The following MTMR3 variants were observed in gnomAD, a reference collection of about 807,000 sequenced individuals.
The protein encoded by MTMR3 is phosphatidylinositol-3,5-bisphosphate 3-phosphatase MTMR3.
MTMR3 carries 32 observed loss-of-function variants against 132.4 expected under a neutral mutation model. The ratio of observed to expected loss-of-function variants is 0.24; its 90% confidence interval spans 0.18 to 0.32. MTMR3 has a LOEUF of 0.32. MTMR3 is among the 10% of genes least tolerant of loss of function. The pLI, the probability that MTMR3 is intolerant of heterozygous loss-of-function variation, is 1.00. For missense variants in MTMR3, 1,216 were observed against 1,489.6 expected (o/e 0.82, Z 3.02); for synonymous variants, 556 against 550.3 (o/e 1.01, Z -0.14).
chr22:29,888,010 C>T (rs61352751), intron 1 of MTMR3, among the ~76,000 whole-genome samples: 24,375 of 151,482 alleles, frequency 0.16, 2,058 homozygotes, highest in South Asian at 0.24. Flanking sequence ...GTAGTTAATA[C>T]TGTTTTGTTT....
intron 5 of MTMR3, chr22:29,985,478 C>T (rs940995633): frequency 1.3e-5 from 2 of 152,018 alleles, no homozygotes; most frequent in Non-Finnish European, 2.9e-5. Flanking sequence ...CCAGCCTGGG[C>T]AACAGAACGA....
At chr22:29,967,917 C>CTGTGTG (rs57853762) in intron 2 of MTMR3, among the ~76,000 whole-genome samples, 1,736 of 148,432 alleles carry the variant, frequency 0.012, 23 homozygotes, top group African/African-American at 0.029. Context: ...ATTATATATA[C>CTGTGTG]TGTGTGTGTG....
intron 1 of MTMR3, among the ~76,000 whole-genome samples, chr22:29,916,511 G>A (rs932834797): frequency 4.6e-5 from 7 of 151,994 alleles, no homozygotes; most frequent in African/African-American, 1.7e-4. Context: ...ACAAAGCTTT[G>A]ACAATCATAA....
intron 17 of MTMR3, 140 bp from the exon 18 acceptor site, chr22:30,021,889 T>C (rs1229160373): frequency 4.6e-6 from 3 of 655,088 alleles, no homozygotes; most frequent in Non-Finnish European, 8.3e-6. Flanking sequence ...CAGTTCTTGA[T>C]GGCTGATGCA....
chr22:29,951,232 T>G (rs2066073190), intron 1 of MTMR3, among the ~76,000 whole-genome samples: 1 of 152,218 alleles, frequency 6.6e-6, no homozygotes, highest in Admixed American at 6.5e-5. Flanking sequence ...TTATATTCAT[T>G]CTTAAAAATT....
chr22:30,003,058 C>T, intron 9 of MTMR3, 65 bp downstream of exon 9: 4 of 1,278,410 alleles, frequency 3.1e-6, no homozygotes, highest in Non-Finnish European at 4.6e-6. Context: ...TGGTCTGCTG[C>T]CTCTGCTGCT....
intron 18 of MTMR3, chr22:30,022,386 A>C (rs1001981135): frequency 4.9e-6 from 3 of 610,376 alleles, no homozygotes; most frequent in Admixed American, 2.7e-5. Flanking sequence ...TCTCACAGTG[A>C]CCCAGGGTGC....
At position 29,954,479 on chromosome 22, in the gene MTMR3, C is replaced by G. The variant is rs144431345; in HGVS notation, c.-137-2557C>G. On this transcript the variant is annotated intron_variant, in intron 1 of 19. Coordinates refer to ENST00000401950, the MANE Select transcript of MTMR3 (RefSeq NM_021090.4). ...TTTCACAATGACACACTGTTTCTAA[C>G]CAAGCAGATGTTTGACTGTGGTTAC... Among the ~76,000 whole-genome samples, 675 of 152,156 alleles carry G rather than the reference C, an allele frequency of 4.4e-3. 6 individuals are homozygous for G. The highest frequency in any genetic ancestry group is 0.015 in the African/African-American group (637 of 41,502).
intron 7 of MTMR3, chr22:29,996,389 G>C (rs1356582761): frequency 1.3e-5 from 2 of 152,152 alleles, no homozygotes; most frequent in African/African-American, 4.8e-5. Context: ...TTGGGGAAAT[G>C]GTTCTATGAA....
At chr22:29,900,853 A>G (rs919505258) in intron 1 of MTMR3, among the ~76,000 whole-genome samples, 2 of 152,062 alleles carry the variant, frequency 1.3e-5, no homozygotes, top group Non-Finnish European at 2.9e-5. Flanking sequence ...AGCTGGGACT[A>G]CAGGTGTGTG....
chr22:30,009,177 A>G, intron 12 of MTMR3, 48 bp downstream of exon 12: 1 of 1,296,354 alleles, frequency 7.7e-7, no homozygotes, highest in Non-Finnish European at 1.1e-6. Flanking sequence ...TTAAATAATA[A>G]GTTTGCTTCT....
intron 1 of MTMR3, among the ~76,000 whole-genome samples, chr22:29,919,690 TAA>T (rs879675613): frequency 1.4e-5 from 2 of 140,330 alleles, no homozygotes; most frequent in Admixed American, 7.1e-5. Context: ...GCCTAGCTAA[TAA>T]AAAAAAAAAA....
intron 2 of MTMR3, among the ~76,000 whole-genome samples, chr22:29,964,498 T>C (rs1396421489): frequency 3.3e-5 from 5 of 152,224 alleles, no homozygotes; most frequent in African/African-American, 1.2e-4. Flanking sequence ...GTTTTAACTT[T>C]TCTCAGATAC....
intron 1 of MTMR3, among the ~76,000 whole-genome samples, chr22:29,887,527 A>C (rs768606092): frequency 1.2e-4 from 18 of 152,206 alleles, no homozygotes; most frequent in Admixed American, 2.6e-4. Context: ...GCAACAGAGA[A>C]GGTTTCTGCT....
Position 29,961,745 on chromosome 22 carries a change from T to TC in MTMR3, c.-85+4657_-85+4658insC, listed in dbSNP as rs578249885. The stretch of plus-strand genomic sequence containing the variant: ...CCTAGGCCTTCACACATTCACTCAC[T>TC]ACTCACTGACATACCCAGAGCAACT... On this transcript the variant is annotated intron_variant, in intron 2 of 19. Transcript: ENST00000401950. 4.5e-3 allele frequency among the ~76,000 whole-genome samples: 679 copies of TC among 152,330 alleles called. 6 individuals carry two copies. The highest frequency in any genetic ancestry group is 0.015 in the African/African-American group (641 of 41,572).
At chr22:29,897,352 G>C (rs566252607) in intron 1 of MTMR3, among the ~76,000 whole-genome samples, 4 of 152,292 alleles carry the variant, frequency 2.6e-5, no homozygotes, top group African/African-American at 9.6e-5. Flanking sequence ...TGGGATTACA[G>C]GCGTAAGCCA....
chr22:29,954,105 C>T (rs891519852), intron 1 of MTMR3, among the ~76,000 whole-genome samples: 2 of 109,540 alleles, frequency 1.8e-5, no homozygotes, highest in East Asian at 6.1e-4. Context: ...TTAAAAGAGA[C>T]GAGGTCTCAC....
chr22:29,942,617 C>T (rs576606109), intron 1 of MTMR3, among the ~76,000 whole-genome samples: 1 of 152,284 alleles, frequency 6.6e-6, no homozygotes, highest in African/African-American at 2.4e-5. Flanking sequence ...GTCCCCAAAG[C>T]GGCCATTTCA....
At chr22:29,950,374 T>A (rs932756990) in intron 1 of MTMR3, among the ~76,000 whole-genome samples, 3 of 151,932 alleles carry the variant, frequency 2.0e-5, no homozygotes, top group East Asian at 3.9e-4. Flanking sequence ...TTTATTTTTT[T>A]ATTTTTTGAG....
Sources: allele counts gnomAD v4.1 joint callset (sites outside exome capture counted in the v4.1 genomes callset), GRCh38; gene constraint gnomAD v4.1.1; transcripts MANE v1.5; gene names NCBI Gene and HGNC (gene_info 2026-07-23, HGNC 2026-07-21).